SLC35D4: variants seen among roughly 807,000 people sequenced by gnomAD.
The protein encoded by SLC35D4 is solute carrier family 35 member D4, also known as UDP-N-acetylglucosamine transporter SLC35D4.
the SLC35D4 span, among the ~76,000 whole-genome samples, chr18:23,427,680 A>G: frequency 1.3e-5 from 2 of 152,210 alleles, no homozygotes; most frequent in South Asian, 2.1e-4. Flanking sequence ...TATATACCCA[A>G]AGGATTATAA....
At chr18:23,350,369 C>G in the SLC35D4 span, among the ~76,000 whole-genome samples, 12 of 152,230 alleles carry the variant, frequency 7.9e-5, no homozygotes, top group Non-Finnish European at 1.5e-4. Context: ...AGAAAGGCTT[C>G]TCCCTGCTCC....
At chr18:23,432,679 T>C in the SLC35D4 span, among the ~76,000 whole-genome samples, 43,144 of 131,164 alleles carry the variant, frequency 0.33, 6,786 homozygotes, top group East Asian at 0.42. Context: ...AGACTCCTTC[T>C]CAAAAAAAAA....
chr18:23,241,922 A>G, the SLC35D4 span, among the ~76,000 whole-genome samples: 2 of 152,148 alleles, frequency 1.3e-5, no homozygotes, highest in Admixed American at 6.5e-5. Flanking sequence ...ACTTTGATCC[A>G]TGCAAGTCAC....
At chr18:23,393,175 A>G in the SLC35D4 span, among the ~76,000 whole-genome samples, 1 of 152,048 alleles carries the variant, frequency 6.6e-6, no homozygotes, top group South Asian at 2.1e-4. Flanking sequence ...TCAGGCTCCT[A>G]AAGTGCTGGG....
the SLC35D4 span, among the ~76,000 whole-genome samples, chr18:23,359,429 C>A: frequency 1.1e-3 from 163 of 150,786 alleles, 1 homozygote; most frequent in African/African-American, 3.6e-3. Context: ...GCTACAGCAA[C>A]ACGCGGCTTA....
the SLC35D4 span, among the ~76,000 whole-genome samples, chr18:23,300,694 C>A: frequency 2.6e-5 from 4 of 152,216 alleles, no homozygotes; most frequent in Non-Finnish European, 5.9e-5. Context: ...AATAGCATTA[C>A]AACTATTTAA....
the SLC35D4 span, among the ~76,000 whole-genome samples, chr18:23,326,978 T>A: frequency 1.3e-5 from 2 of 152,064 alleles, no homozygotes; most frequent in African/African-American, 4.8e-5. Flanking sequence ...AAGGCAGAAA[T>A]AAAGATGTGC....
the SLC35D4 span, among the ~76,000 whole-genome samples, chr18:23,268,202 A>T: frequency 5.9e-5 from 9 of 152,210 alleles, no homozygotes; most frequent in Admixed American, 5.9e-4. Flanking sequence ...GAATATGAGG[A>T]GAAATGGGTA....
the SLC35D4 span, among the ~76,000 whole-genome samples, chr18:23,353,123 A>C: frequency 2.7e-5 from 2 of 75,404 alleles, no homozygotes. Flanking sequence ...GTGTGTGTGT[A>C]TGTGAGAGAG....
chr18:23,352,167 GA>G, the SLC35D4 span: 2 of 1,577,210 alleles, frequency 1.3e-6, no homozygotes, highest in South Asian at 2.3e-5. Context: ...GCTCTTGAGA[GA>G]GAATTTCCCA....
the SLC35D4 span, among the ~76,000 whole-genome samples, chr18:23,300,014 C>T: frequency 2.0e-5 from 3 of 152,188 alleles, no homozygotes; most frequent in African/African-American, 7.2e-5. Flanking sequence ...CTGTAATCAT[C>T]ATTGTCAGCA....
At chr18:23,306,223 A>G in the SLC35D4 span, among the ~76,000 whole-genome samples, 1 of 143,830 alleles carries the variant, frequency 7.0e-6, no homozygotes, top group Non-Finnish European at 1.5e-5. Flanking sequence ...AAACAAATGC[A>G]AAAAAAAAAA....
At chr18:23,351,660 A>G in the SLC35D4 span, among the ~76,000 whole-genome samples, 2 of 152,190 alleles carry the variant, frequency 1.3e-5, no homozygotes, top group African/African-American at 4.8e-5. Flanking sequence ...ACAGGCACTA[A>G]GGAAATGAAA....
the SLC35D4 span, among the ~76,000 whole-genome samples, chr18:23,360,276 C>T: frequency 6.6e-6 from 1 of 152,178 alleles, no homozygotes; most frequent in Non-Finnish European, 1.5e-5. Context: ...CTCTAAGACC[C>T]AGTAATCCTA....
the SLC35D4 span, chr18:23,257,336 C>G: frequency 6.2e-7 from 1 of 1,612,474 alleles, no homozygotes. Flanking sequence ...GAAGTCATGC[C>G]CCACTACAGA....
the SLC35D4 span, among the ~76,000 whole-genome samples, chr18:23,368,032 A>G: frequency 2.6e-4 from 39 of 152,208 alleles, no homozygotes; most frequent in Admixed American, 1.7e-3. Flanking sequence ...ACAGAAGTCC[A>G]CATACCATAT....
the SLC35D4 span, among the ~76,000 whole-genome samples, chr18:23,433,441 C>A: frequency 1.3e-5 from 2 of 152,120 alleles, no homozygotes; most frequent in African/African-American, 4.8e-5. Context: ...AACCACTTGT[C>A]CAGAACAGAA....
the SLC35D4 span, among the ~76,000 whole-genome samples, chr18:23,360,971 G>A: frequency 1.2e-4 from 18 of 151,580 alleles, no homozygotes; most frequent in African/African-American, 3.4e-4. Flanking sequence ...GCGTGGTGGC[G>A]GGCACTTGTA....
chr18:23,421,258 GTAAA>G, the SLC35D4 span: 1 of 916,200 alleles, frequency 1.1e-6, no homozygotes. Flanking sequence ...AAATAAATAA[GTAAA>G]TAAATAAACC....
Sources: allele counts gnomAD v4.1 joint callset (sites outside exome capture counted in the v4.1 genomes callset), GRCh38; gene constraint gnomAD v4.1.1; transcripts MANE v1.5; gene names NCBI Gene and HGNC (gene_info 2026-07-23, HGNC 2026-07-21).